RELN: variants seen among roughly 807,000 people sequenced by gnomAD.
The protein encoded by RELN is reelin.
A neutral mutation model predicts 427.6 loss-of-function variants in RELN; 108 were observed. That is an observed-to-expected ratio of 0.25 (90% confidence interval 0.22 to 0.30). RELN has a LOEUF of 0.30. RELN is among the 10% of genes least tolerant of loss of function. The pLI is 1.00. For synonymous variants in RELN, 1,524 were observed against 1,513.4 expected (o/e 1.01, Z -0.16); for missense variants, 3,715 against 4,302.8 (o/e 0.86, Z 3.82).
chr7:103,521,133 C>T (rs1277076608), intron 48 of RELN, among the ~76,000 whole-genome samples: 4 of 150,152 alleles, frequency 2.7e-5, no homozygotes, highest in African/African-American at 4.9e-5. Context: ...CCCGCCACCG[C>T]GCCCGGCTAA....
chr7:103,830,485 G>C (rs888268420), intron 3 of RELN, among the ~76,000 whole-genome samples: 2 of 151,688 alleles, frequency 1.3e-5, no homozygotes, highest in African/African-American at 4.8e-5. Context: ...TCAGAAAAGA[G>C]AACCATGGTA....
intron 2 of RELN, among the ~76,000 whole-genome samples, chr7:103,896,337 T>TTCTTC (rs1482254107): frequency 3.9e-5 from 6 of 152,058 alleles, no homozygotes; most frequent in African/African-American, 1.4e-4. Flanking sequence ...AAAATACATA[T>TTCTTC]TCACAAAGAG....
chr7:103,512,003 G>A (rs75917330), intron 50 of RELN, among the ~76,000 whole-genome samples: 4,113 of 151,986 alleles, frequency 0.027, 65 homozygotes, highest in African/African-American at 0.05. Context: ...TTTGTTGGGG[G>A]GTTGCTGTTT....
chr7:103,872,794 T>A (rs1399147698), intron 2 of RELN, among the ~76,000 whole-genome samples: 3 of 149,592 alleles, frequency 2.0e-5, no homozygotes, highest in Admixed American at 6.7e-5. Flanking sequence ...TGGTTTTGAT[T>A]TGCATTTCTC....
rs758671349 is a variant in RELN, at chr7:103,989,111, G to T, written c.226+20C>A. 86 of 1,608,244 alleles carry T rather than the reference G, an allele frequency of 5.3e-5. No individual in the cohort carries two copies. Among genetic ancestry groups the T allele is most frequent in the Non-Finnish European group, 7.1e-5 (84 of 1,175,602 alleles). On this transcript the variant is annotated intron_variant, in intron 1 of 64. Coordinates refer to ENST00000428762, the MANE Select transcript of RELN (RefSeq NM_005045.4). This position sits in a 1 kb window ranked among gnomAD's most constrained non-coding sequence, Gnocchi z 4.9. ...GGGCGCACCCGGCGGCGGCGAGCGC[G>T]GAGGTGCTGCGGTACCTACCATGGT...
intron 4 of RELN, among the ~76,000 whole-genome samples, chr7:103,760,901 A>C (rs200586234): frequency 7.8e-6 from 1 of 128,868 alleles, no homozygotes; most frequent in Non-Finnish European, 1.6e-5. Flanking sequence ...GGAATAATTT[A>C]TTACTTTTTG....
intron 28 of RELN, among the ~76,000 whole-genome samples, chr7:103,576,556 A>G (rs1470153270): frequency 6.6e-6 from 1 of 152,158 alleles, no homozygotes; most frequent in Non-Finnish European, 1.5e-5. Context: ...CTTCTATCAC[A>G]CTCAGTTTAT....
intron 58 of RELN, among the ~76,000 whole-genome samples, chr7:103,491,712 C>A (rs1828657008): frequency 6.6e-6 from 1 of 151,924 alleles, no homozygotes; most frequent in Admixed American, 6.6e-5. Flanking sequence ...GCCTGTAATC[C>A]CACCTACTCA....
chr7:103,904,292 T>C lies in RELN; in HGVS notation c.337+12783A>G, dbSNP rs112999641. On this transcript the variant is annotated intron_variant, in intron 2 of 64. Transcript: ENST00000428762. ...TGGGCTGGTTCCATGTCTTTGCTATTGTAAATAGTGCTGCAATAAACATAC... is the reference window on the plus strand; with the variant it reads ...TGGGCTGGTTCCATGTCTTTGCTATCGTAAATAGTGCTGCAATAAACATAC... Among the ~76,000 whole-genome samples the C allele has an allele frequency of 9.7e-3, 1,478 of 152,292 alleles. 26 individuals are homozygous for C. The highest frequency in any genetic ancestry group is 0.034 in the African/African-American group (1,406 of 41,564).
chr7:103,542,870 C>T lies in RELN; in HGVS notation c.6532G>A (p.Glu2178Lys). Residue 2178 changes from glutamate (E) to lysine (K), a missense_variant, in exon 43 of 65, where the codon GAA becomes AAA. Glu to Lys is a moderately conservative substitution (Grantham distance 56). Coordinates refer to ENST00000428762, the MANE Select transcript of RELN (RefSeq NM_005045.4). ...CTCATTAATAAGAATCTATCAGATT[C>T]TAGCTGACCTGAAAAAATTGGAAAA... Reference protein sequence around the residue: ...FLKDDFEGQLESDRFLLMSGG... With the variant: ...FLKDDFEGQLKSDRFLLMSGG... 1 of 1,614,098 alleles carries T rather than the reference C, an allele frequency of 6.2e-7. No individual in the cohort carries two copies. The highest frequency in any genetic ancestry group is 1.1e-5 in the South Asian group (1 of 91,084).
chr7:103,793,928 G>A lies in RELN; in HGVS notation c.474-17301C>T, dbSNP rs7802892. On this transcript the variant is annotated intron_variant, in intron 3 of 64. Transcript: ENST00000428762. ...ACTACAGGTGCACACCCATACGCCCGGCTAATTTTTGTACTTTTAGTAGAG... is the reference window on the plus strand; with the variant it reads ...ACTACAGGTGCACACCCATACGCCCAGCTAATTTTTGTACTTTTAGTAGAG... 5.0e-3 allele frequency among the ~76,000 whole-genome samples: 753 copies of A among 152,020 alleles called. 3 individuals carry two copies. The highest frequency in any genetic ancestry group is 6.9e-3 in the Non-Finnish European group (470 of 67,962).
At chr7:103,956,103 T>G (rs1219595402) in intron 1 of RELN, among the ~76,000 whole-genome samples, 1 of 152,214 alleles carries the variant, frequency 6.6e-6, no homozygotes, top group East Asian at 1.9e-4. Flanking sequence ...TTCCATGGTA[T>G]CAGGGTTTTC....
chr7:103,678,499 T>C (rs1042064355), intron 11 of RELN, among the ~76,000 whole-genome samples: 1 of 152,230 alleles, frequency 6.6e-6, no homozygotes, highest in Non-Finnish European at 1.5e-5. Context: ...AGCTAAGTGA[T>C]GTGAAAGGCA....
chr7:103,940,692 C>T (rs541953770), intron 1 of RELN, among the ~76,000 whole-genome samples: 1 of 152,122 alleles, frequency 6.6e-6, no homozygotes, highest in Non-Finnish European at 1.5e-5. Flanking sequence ...AAATCTGAAA[C>T]CTGAAAGGAA....
chr7:103,587,193 T>C (rs758125422), intron 28 of RELN, among the ~76,000 whole-genome samples: 1 of 152,006 alleles, frequency 6.6e-6, no homozygotes, highest in African/African-American at 2.4e-5. Flanking sequence ...CACAGACCAA[T>C]GGAACAGAAT....
At chr7:103,714,586 C>G (rs1198127520) in intron 8 of RELN, among the ~76,000 whole-genome samples, 1 of 152,206 alleles carries the variant, frequency 6.6e-6, no homozygotes, top group Non-Finnish European at 1.5e-5. Context: ...GCTTCTGGCT[C>G]TCATGAAATA....
chr7:103,987,937 T>C lies in RELN; in HGVS notation c.226+1194A>G, dbSNP rs191224744. ...TTTATTTAGGCTAAATATTTTATAA[T>C]AGATATCAAGGTTTTTTTAAAAACA... On this transcript the variant is annotated intron_variant, in intron 1 of 64. Transcript: ENST00000428762. Among the ~76,000 whole-genome samples, 29 of 152,334 alleles carry C rather than the reference T, an allele frequency of 1.9e-4. No homozygotes were observed. In the East Asian group the frequency reaches 4.2e-3, roughly 22 times the overall value.
intron 28 of RELN, among the ~76,000 whole-genome samples, chr7:103,582,500 T>C (rs890548902): frequency 7.9e-5 from 12 of 152,228 alleles, no homozygotes; most frequent in African/African-American, 2.7e-4. Context: ...GAGCCACTGA[T>C]TGACAAACTT....
intron 1 of RELN, among the ~76,000 whole-genome samples, chr7:103,943,440 G>A (rs1239343594): frequency 1.3e-5 from 2 of 152,174 alleles, no homozygotes; most frequent in Admixed American, 6.5e-5. Context: ...AGACCTTCTT[G>A]AGGCTGCACT....
Sources: allele counts gnomAD v4.1 joint callset (sites outside exome capture counted in the v4.1 genomes callset), GRCh38; gene constraint gnomAD v4.1.1; non-coding constraint Gnocchi (gnomAD v3.1); transcripts MANE v1.5; gene names NCBI Gene and HGNC (gene_info 2026-07-23, HGNC 2026-07-21).